The following STON2 variants were observed in gnomAD, a reference collection of about 807,000 sequenced individuals.
The protein encoded by STON2 is stonin 2.
A neutral mutation model predicts 65.7 loss-of-function variants in STON2; 29 were observed. The ratio of observed to expected loss-of-function variants is 0.44; its 90% CI spans 0.33 to 0.60. The LOEUF is 0.60. Among genes scored for constraint, STON2 ranks in the 20% least tolerant of loss-of-function variants. The pLI, the probability that STON2 is intolerant of heterozygous loss-of-function variation, is 0.03. For missense variants in STON2, 1,054 were observed against 1,118.1 expected, an observed-to-expected ratio of 0.94 and a Z score of 0.82; for synonymous variants, 404 against 414.2, an observed-to-expected ratio of 0.98 and a Z score of 0.30.
chr14:81,354,982 C>T (rs1316162123), intron 4 of STON2, among the ~76,000 whole-genome samples: 1 of 149,960 alleles, frequency 6.7e-6, no homozygotes. Context: ...ATCACTCCGT[C>T]TCAGAAGAAA....
intron 5 of STON2, among the ~76,000 whole-genome samples, chr14:81,301,626 A>G (rs1372022896): frequency 1.3e-5 from 2 of 152,350 alleles, no homozygotes; most frequent in East Asian, 1.9e-4. Flanking sequence ...ACATTGAGAC[A>G]GAGTGGAACG....
intron 5 of STON2, among the ~76,000 whole-genome samples, chr14:81,307,752 TC>T (rs1224244571): frequency 6.6e-6 from 1 of 152,250 alleles, no homozygotes; most frequent in Non-Finnish European, 1.5e-5. Context: ...ATATATTTTC[TC>T]TTTCTTATGC....
chr14:81,265,812 G>A lies in STON2; in HGVS notation c.*2602C>T, dbSNP rs1040188424. The A allele has an allele frequency of 1.5e-5, 15 of 985,104 alleles. No homozygotes were observed. Among genetic ancestry groups the A allele is most frequent in the Non-Finnish European group, 1.7e-5 (14 of 829,910 alleles). 61.0% of individuals were successfully genotyped at this position (985,104 alleles called of 1,614,324 possible). On this transcript the variant is annotated 3_prime_UTR_variant, in exon 8 of 8. Transcript: ENST00000614646. ...CACAGGAAATGAGAATTTACCATGG[G>A]GGGCGGGGAAATAAGCTCCAACAAG...
chr14:81,262,438 T>A lies in STON2; in HGVS notation c.*5976A>T, dbSNP rs557090192. Reference sequence around the variant, plus strand: ...TCCTGCCATCTATCCCTTTTTACTATGCAATCTTTATTTTTCCTGGAGCTT... The same window carrying A: ...TCCTGCCATCTATCCCTTTTTACTAAGCAATCTTTATTTTTCCTGGAGCTT... On this transcript the variant is annotated 3_prime_UTR_variant, in exon 8 of 8. Transcript: ENST00000614646. The A allele has an allele frequency of 2.1e-5, 20 of 945,616 alleles. No individual in the cohort carries two copies. Among genetic ancestry groups the A allele is most frequent in the Non-Finnish European group, 2.5e-5 (20 of 808,286 alleles). 58.6% of individuals were successfully genotyped at this position (945,616 alleles called of 1,614,324 possible).
chr14:81,353,978 T>C (rs1349797634), intron 4 of STON2, among the ~76,000 whole-genome samples: 2 of 152,168 alleles, frequency 1.3e-5, no homozygotes, highest in Non-Finnish European at 2.9e-5. Context: ...AGGCGCCACA[T>C]GGTAAGGAGG....
At chr14:81,434,605 G>A (rs1902341237) in intron 1 of STON2, among the ~76,000 whole-genome samples, 1 of 152,136 alleles carries the variant, frequency 6.6e-6, no homozygotes, top group Non-Finnish European at 1.5e-5. Context: ...CCTATGGGTT[G>A]GGGGATAGGG....
chr14:81,306,294 A>G, intron 5 of STON2, among the ~76,000 whole-genome samples: 1 of 115,724 alleles, frequency 8.6e-6, no homozygotes, highest in Non-Finnish European at 1.6e-5. Context: ...CGGTGGTGTG[A>G]TTGTGGCTCC....
chr14:81,427,230 C>T (rs559990158), intron 1 of STON2: 1 of 152,366 alleles, frequency 6.6e-6, no homozygotes, highest in South Asian at 2.1e-4. Flanking sequence ...TAGAAACATA[C>T]ATGCATAAAT....
intron 4 of STON2, among the ~76,000 whole-genome samples, chr14:81,341,070 G>T (rs1039550655): frequency 2.0e-5 from 3 of 152,106 alleles, no homozygotes; most frequent in African/African-American, 7.2e-5. Flanking sequence ...CTCACAGGCT[G>T]TAATTAAGGA....
intron 5 of STON2, among the ~76,000 whole-genome samples, chr14:81,302,267 G>C (rs1316800666): frequency 1.3e-5 from 2 of 152,338 alleles, no homozygotes; most frequent in East Asian, 1.9e-4. Context: ...TTCTGGAACA[G>C]AGGCTAACAA....
intron 1 of STON2, among the ~76,000 whole-genome samples, chr14:81,435,458 T>C (rs1902380127): frequency 6.6e-6 from 1 of 152,178 alleles, no homozygotes; most frequent in Admixed American, 6.5e-5. Context: ...AAAACAACGC[T>C]ATCAGACCGG....
intron 4 of STON2, among the ~76,000 whole-genome samples, chr14:81,356,888 T>C (rs1898260364): frequency 6.6e-6 from 1 of 152,176 alleles, no homozygotes; most frequent in Admixed American, 6.5e-5. Context: ...ATCTATTTGA[T>C]TCTTCTCTCT....
At position 81,396,148 on chromosome 14, in the gene STON2, G is replaced by T; in HGVS notation, c.119C>A (p.Ser40Ter). The change falls in exon 3 of 8, where the codon TCA becomes TAA. Residue 40 changes from serine to a stop codon, truncating the protein, a stop_gained. Transcript: ENST00000614646. LOFTEE classifies it high-confidence loss of function. ...GGTEEHLPGL[S>*]SSPDQSESSS... ...GCTCTCGGACTGGTCTGGGGAAGATGACAGTCCTGGGAGGTGCTCTTCCGT... is the reference window on the plus strand; with the variant it reads ...GCTCTCGGACTGGTCTGGGGAAGATTACAGTCCTGGGAGGTGCTCTTCCGT... The T allele has an allele frequency of 6.2e-7, 1 of 1,613,714 alleles. No homozygotes were observed. Among genetic ancestry groups the T allele is most frequent in the Non-Finnish European group, 8.5e-7 (1 of 1,179,826 alleles).
At chr14:81,304,568 T>C (rs1896099823) in intron 5 of STON2, among the ~76,000 whole-genome samples, 1 of 151,852 alleles carries the variant, frequency 6.6e-6, no homozygotes, top group African/African-American at 2.4e-5. Context: ...ACAAAAAATA[T>C]CAAAAATTAG....
chr14:81,415,704 CTATAGCTGCCTTGCA>C, intron 2 of STON2, among the ~76,000 whole-genome samples: 1 of 150,234 alleles, frequency 6.7e-6, no homozygotes, highest in Middle Eastern at 3.5e-3. Flanking sequence ...ATTGTAATTC[CTATAGCTGCCTTGCA>C]CATAGCAAAA....
chr14:81,284,923 G>A (rs767638572), intron 5 of STON2, among the ~76,000 whole-genome samples: 25 of 152,244 alleles, frequency 1.6e-4, no homozygotes, highest in Non-Finnish European at 2.9e-4. Flanking sequence ...AACAAAGCCC[G>A]GATGACAACG....
chr14:81,366,907 G>C (rs1425771773), intron 4 of STON2, among the ~76,000 whole-genome samples: 2 of 152,114 alleles, frequency 1.3e-5, no homozygotes, highest in Non-Finnish European at 2.9e-5. Flanking sequence ...GACTGAGCAG[G>C]ATCGCTCAGT....
At chr14:81,274,983 C>T (rs1457528804) in intron 6 of STON2, among the ~76,000 whole-genome samples, 1 of 152,080 alleles carries the variant, frequency 6.6e-6, no homozygotes, top group Non-Finnish European at 1.5e-5. Flanking sequence ...AGGCTACATG[C>T]TGAGGAGACA....
At chr14:81,338,350 A>G (rs570734664) in intron 4 of STON2, among the ~76,000 whole-genome samples, 33 of 152,346 alleles carry the variant, frequency 2.2e-4, no homozygotes, top group African/African-American at 7.9e-4. Flanking sequence ...CCTCCATAGA[A>G]AACCAAAAGG....
Sources: gnomAD v4.1 joint callset for allele counts (sites outside exome capture counted in the v4.1 genomes callset) on GRCh38, gnomAD v4.1.1 for gene constraint, MANE v1.5 for transcripts, NCBI Gene and HGNC (gene_info 2026-07-23, HGNC 2026-07-21) for gene names.